The following DGKZ variants were observed in gnomAD, a reference collection of about 807,000 sequenced individuals.
DGKZ encodes the protein DAG kinase zeta.
A neutral mutation model predicts 142.5 loss-of-function variants in DGKZ; 45 were observed. That is an observed-to-expected ratio of 0.32 (90% CI 0.25 to 0.40). DGKZ has a LOEUF of 0.40. Ranked by LOEUF, DGKZ falls within the 10% of genes least tolerant of loss-of-function variation. DGKZ has a pLI of 1.00. For synonymous variants in DGKZ, 442 were observed against 527.0 expected, an observed-to-expected ratio of 0.84 and a Z score of 2.21; for missense variants, 755 against 1,306.5, an observed-to-expected ratio of 0.58 and a Z score of 6.51.
rs765382080 is a variant in DGKZ, at chr11:46,379,850, G to A, written c.2708G>A (p.Arg903Gln). Reference sequence around the variant, plus strand: ...CTCCAGGGCGACACTCCCCGGCAGCGGGCTGAGAAGGCTCAGGACACCGAG... The same window carrying A: ...CTCCAGGGCGACACTCCCCGGCAGCAGGCTGAGAAGGCTCAGGACACCGAG... Residue 903 changes from arginine to glutamine, a missense_variant, in exon 31 of 31, where the codon CGG becomes CAG. By Grantham distance (43) the Arg-to-Gln change is conservative. Around this residue, in one of 8 missense-constraint regions of DGKZ, gnomAD observed 100 missense variants for 87.7 expected, o/e 1.14. Transcript: ENST00000527911. 1.9e-6 allele frequency: 3 copies of A among 1,610,214 alleles called. No homozygotes were observed. In the Admixed American group the frequency reaches 5.0e-5, roughly 27 times the overall value.
chr11:46,370,402 C>T (rs981387843), intron 6 of DGKZ, among the ~76,000 whole-genome samples: 1 of 152,248 alleles, frequency 6.6e-6, no homozygotes, highest in African/African-American at 2.4e-5. Context: ...CCGCCTAACC[C>T]AGTCCACAGT....
intron 1 of DGKZ, among the ~76,000 whole-genome samples, chr11:46,348,321 A>C (rs1371959339): frequency 6.6e-6 from 1 of 152,198 alleles, no homozygotes; most frequent in African/African-American, 2.4e-5. Flanking sequence ...TGCAGAACGT[A>C]GCCCCGTTGA....
intron 14 of DGKZ, among the ~76,000 whole-genome samples, chr11:46,373,442 A>G (rs1366097526): frequency 8.4e-5 from 12 of 143,230 alleles, no homozygotes; most frequent in Non-Finnish European, 1.8e-4. Flanking sequence ...AGGTGCCACC[A>G]CACCTGGCTA....
chr11:46,355,537 A>G (rs1411256579), intron 1 of DGKZ, among the ~76,000 whole-genome samples: 1 of 152,192 alleles, frequency 6.6e-6, no homozygotes, highest in Non-Finnish European at 1.5e-5. Context: ...CAGATCAGGA[A>G]ACTGAGGCTG....
rs1383693178 is a variant in DGKZ at position 46,374,105 on chromosome 11, G to A, written c.1327-52G>A. On this transcript the variant is annotated intron_variant, in intron 14 of 30. Transcript: ENST00000527911. ...CTCGGCCACACGAGGCCCCTGGAGC[G>A]GGGACATTTGTGAGGCCCAGCCCTC... 2.1e-5 allele frequency: 33 copies of A among 1,595,118 alleles called. 1 individual carries two copies. In the South Asian group the frequency reaches 2.1e-4, roughly 10 times the overall value.
chr11:46,335,040 G>A (rs763369765), intron 1 of DGKZ, among the ~76,000 whole-genome samples: 20 of 152,086 alleles, frequency 1.3e-4, no homozygotes, highest in Admixed American at 7.9e-4. Flanking sequence ...GAGGCTGGGC[G>A]CGGTGACTCA....
At chr11:46,377,523 G>A (rs955387480) in intron 25 of DGKZ, 5 of 418,204 alleles carry the variant, frequency 1.2e-5, no homozygotes, top group Non-Finnish European at 2.1e-5. Flanking sequence ...CGGCTGCCAC[G>A]CCCTGGCCCC....
At chr11:46,375,182 G>A in intron 19 of DGKZ, 137 bp downstream of exon 19, 1 of 912,914 alleles carries the variant, frequency 1.1e-6, no homozygotes, top group East Asian at 2.7e-5. Flanking sequence ...TGGCTTGAGA[G>A]CGGCACCTAC....
chr11:46,338,995 G>A (rs1235864505), intron 1 of DGKZ: 1 of 152,310 alleles, frequency 6.6e-6, no homozygotes, highest in Non-Finnish European at 1.5e-5. Context: ...CACAGATGGT[G>A]GTGGGACCCA....
chr11:46,354,086 G>C (rs1044620996), intron 1 of DGKZ, among the ~76,000 whole-genome samples: 1 of 152,196 alleles, frequency 6.6e-6, no homozygotes, highest in Admixed American at 6.5e-5. Flanking sequence ...CATCCCCTTG[G>C]GGGAGACCTT....
At chr11:46,342,217 T>C (rs1275951493) in intron 1 of DGKZ, among the ~76,000 whole-genome samples, 1 of 152,140 alleles carries the variant, frequency 6.6e-6, no homozygotes, top group Non-Finnish European at 1.5e-5. Context: ...TCCTAGGAAC[T>C]GCCAAGGGCA....
At chr11:46,346,471 A>G (rs538829417), upstream of DGKZ, among the ~76,000 whole-genome samples, 2 of 152,136 alleles carry the variant, frequency 1.3e-5, no homozygotes, top group South Asian at 4.2e-4. Context: ...TTGGGTTCCA[A>G]TTGCTCTCAT....
Position 46,372,943 on chromosome 11 carries a change from C to A in DGKZ, c.1186-18C>A, listed in dbSNP as rs753508151. On this transcript the variant is annotated intron_variant, in intron 13 of 30. Transcript: ENST00000527911. The surrounding 1 kb of genome is among the most constrained non-coding windows in gnomAD (Gnocchi z 5.9). The stretch of plus-strand genomic sequence containing the variant: ...CCTCTCCAGCCACAGAGGGCTCAGT[C>A]CCTGCCTGCTCCCCCAGGGCTACAC... 1 of 1,551,556 alleles carries A rather than the reference C, an allele frequency of 6.4e-7. No homozygotes were observed. The highest frequency in any genetic ancestry group is 8.7e-7 in the Non-Finnish European group (1 of 1,146,760).
chr11:46,366,505 C>A (rs1366091420), intron 1 of DGKZ: 2 of 1,586,558 alleles, frequency 1.3e-6, no homozygotes, highest in African/African-American at 2.7e-5. Flanking sequence ...CTTCCTGCAA[C>A]CCCCGCTTCA....
Position 46,375,604 on chromosome 11 carries a change from G to A in DGKZ, c.1883G>A (p.Arg628Gln), listed in dbSNP as rs372479915. The change falls in exon 20 of 31, where the codon CGG (arginine) becomes CAG (glutamine). Residue 628 changes from arginine to glutamine, a missense_variant. Transcript: ENST00000527911. ...GCCACCATGGTGCAGAAGGCCAAGC[G>A]GCGGAGCGCCGCCCCCCTGCACAGC... The A allele has an allele frequency of 1.3e-5, 20 of 1,581,764 alleles. No homozygotes were observed. The highest frequency in any genetic ancestry group is 8.7e-5 in the Admixed American group (5 of 57,350).
exon 14 of DGKZ, chr11:46,373,069 C>A: frequency 6.5e-7 from 1 of 1,544,102 alleles, no homozygotes. Context: ...CGAGGCAGGG[C>A]CTGAGGACCG....
chr11:46,367,624 G>A lies in DGKZ; in HGVS notation c.271-28G>A, dbSNP rs1426135824. On this transcript the variant is annotated intron_variant, in intron 2 of 30. Coordinates refer to ENST00000527911, the Ensembl canonical transcript of DGKZ. The surrounding 1 kb of genome is among the most constrained non-coding windows in gnomAD (Gnocchi z 4.1). ...GGAGGGAGGGCTGGGCGGCCAGCGT[G>A]TGCTGAGCAAGCCCATCCCGTGGCT... 6.4e-7 allele frequency: 1 copy of A among 1,574,758 alleles called. No individual in the cohort carries two copies. The highest frequency in any genetic ancestry group is 8.6e-7 in the Non-Finnish European group (1 of 1,157,198).
At chr11:46,355,554 G>C (rs1590450734) in intron 1 of DGKZ, among the ~76,000 whole-genome samples, 1 of 152,212 alleles carries the variant, frequency 6.6e-6, no homozygotes, top group Non-Finnish European at 1.5e-5. Flanking sequence ...GCTGAGGCAG[G>C]TTAAAAGGCT....
intron 1 of DGKZ, among the ~76,000 whole-genome samples, chr11:46,362,220 G>T (rs534669528): frequency 1.3e-5 from 2 of 152,192 alleles, no homozygotes; most frequent in Non-Finnish European, 1.5e-5. Flanking sequence ...TCACGGAGCA[G>T]AAGGCGGACG....
Sources: gnomAD v4.1 joint callset for allele counts (sites outside exome capture counted in the v4.1 genomes callset) on GRCh38, gnomAD v4.1.1 for gene constraint, gnomAD v4.1.1 regional missense constraint, Gnocchi (gnomAD v3.1) non-coding constraint, MANE v1.5 for transcripts, NCBI Gene and HGNC (gene_info 2026-07-23, HGNC 2026-07-21) for gene names.